Variants in PPM1L observed in about 807,000 individuals in gnomAD.
PPM1L encodes the protein protein phosphatase, Mg2+/Mn2+ dependent 1L, also known as protein phosphatase 1L.
PPM1L carries 13 observed loss-of-function variants against 31.4 expected under a neutral mutation model. That is an observed-to-expected ratio of 0.41 (90% CI 0.27 to 0.66). The LOEUF (loss-of-function observed/expected upper bound fraction) is 0.66. Ranked by LOEUF, PPM1L falls within the 30% of genes least tolerant of loss-of-function variation. The pLI is 0.29. For synonymous variants in PPM1L, 184 were observed against 175.4 expected, an observed-to-expected ratio of 1.05 and a Z score of -0.39; for missense variants, 326 against 453.7, an observed-to-expected ratio of 0.72 and a Z score of 2.56.
chr3:160,871,174 A>G (rs1712288832), intron 1 of PPM1L, among the ~76,000 whole-genome samples: 1 of 152,214 alleles, frequency 6.6e-6, no homozygotes, highest in Non-Finnish European at 1.5e-5. Context: ...GTTGTACTCC[A>G]AACTATTTTC....
intron 3 of PPM1L, among the ~76,000 whole-genome samples, chr3:161,067,415 C>A (rs1194305796): frequency 6.6e-6 from 1 of 152,210 alleles, no homozygotes; most frequent in Admixed American, 6.5e-5. Flanking sequence ...TGGCCTCAGC[C>A]TCTTTTCAGG....
At chr3:160,925,960 A>G (rs1714572126) in intron 1 of PPM1L, among the ~76,000 whole-genome samples, 1 of 152,224 alleles carries the variant, frequency 6.6e-6, no homozygotes, top group Non-Finnish European at 1.5e-5. Context: ...TCTCACAGCC[A>G]CAAACCTCTG....
chr3:160,870,287 G>A (rs1712256488), intron 1 of PPM1L, among the ~76,000 whole-genome samples: 1 of 152,204 alleles, frequency 6.6e-6, no homozygotes, highest in Non-Finnish European at 1.5e-5. Flanking sequence ...AATGTTGGTT[G>A]AAGATCACGA....
chr3:160,941,920 T>C (rs1284129839), intron 1 of PPM1L, among the ~76,000 whole-genome samples: 1 of 152,232 alleles, frequency 6.6e-6, no homozygotes, highest in African/African-American at 2.4e-5. Flanking sequence ...CTTGAATGAA[T>C]TATTAGGCTT....
intron 1 of PPM1L, among the ~76,000 whole-genome samples, chr3:160,882,509 C>A (rs12374096): frequency 0.024 from 3,583 of 152,170 alleles, 77 homozygotes; most frequent in Middle Eastern, 0.034. Flanking sequence ...TATGTAAAAT[C>A]AAAAAGATAT....
intron 1 of PPM1L, among the ~76,000 whole-genome samples, chr3:160,840,468 C>T (rs1385102154): frequency 3.3e-5 from 5 of 152,004 alleles, no homozygotes; most frequent in Non-Finnish European, 7.4e-5. Context: ...AATTTATTAG[C>T]GGGATTGGCT....
At chr3:160,944,886 A>T (rs376171256) in intron 1 of PPM1L, among the ~76,000 whole-genome samples, 2 of 46,896 alleles carry the variant, frequency 4.3e-5, no homozygotes, top group Non-Finnish European at 1.1e-4. Context: ...TAACATATAT[A>T]TTATATATAA....
intron 1 of PPM1L, among the ~76,000 whole-genome samples, chr3:160,945,293 G>A (rs2108092911): frequency 6.6e-6 from 1 of 151,740 alleles, no homozygotes; most frequent in African/African-American, 2.4e-5. Context: ...TACCATTATA[G>A]TGCAAAAGCA....
chr3:160,976,803 G>T (rs1316503666), intron 2 of PPM1L, among the ~76,000 whole-genome samples: 1 of 151,930 alleles, frequency 6.6e-6, no homozygotes, highest in Non-Finnish European at 1.5e-5. Context: ...TATCAGTTTT[G>T]TTGATCCTTT....
At position 160,851,997 on chromosome 3, in the gene PPM1L, A is replaced by G. The variant is rs146457286; in HGVS notation, c.399+95290A>G. Among the ~76,000 whole-genome samples, 773 of 152,314 alleles carry G rather than the reference A, an allele frequency of 5.1e-3. 14 individuals carry two copies. The highest frequency in any genetic ancestry group is 0.017 in the African/African-American group (721 of 41,566). On this transcript the variant is annotated intron_variant, in intron 1 of 3. Transcript: ENST00000498165. ...AGAACTTTGATGAAGAAAAGGTCCT[A>G]TGTTCTGTTTTATACATAATCATTT...
At chr3:161,037,412 C>CTT (rs59883046) in intron 2 of PPM1L, among the ~76,000 whole-genome samples, 37,123 of 99,198 alleles carry the variant, frequency 0.37, 8,492 homozygotes, top group East Asian at 0.62. Context: ...CCTACTTGAG[C>CTT]TTTTTTTTTT....
intron 2 of PPM1L, among the ~76,000 whole-genome samples, chr3:161,043,019 CA>C (rs746897902): frequency 0.029 from 3,062 of 107,402 alleles, 48 homozygotes; most frequent in Middle Eastern, 0.059. Context: ...GATTCTGTCT[CA>C]AAAAAAAAAA....
chr3:160,756,330 T>G lies in PPM1L; in HGVS notation c.22T>G (p.Leu8Val). ...ATAAATGATAGAGGATACAATGACT[T>G]TGCTGTCTCTGCTGGGTCGCATCAT... is the stretch of plus-strand genomic sequence containing the variant. MIEDTMT[L>V]LSLLGRIMRY... The change falls in exon 1 of 4, where the codon TTG (leucine) becomes GTG (valine). Residue 8 changes from leucine (L) to valine (V), a missense_variant. Transcript: ENST00000498165. This position sits in a 1 kb window ranked among gnomAD's most constrained non-coding sequence, Gnocchi z 6.2. 6.2e-7 allele frequency: 1 copy of G among 1,613,800 alleles called. No individual in the cohort carries two copies. The highest frequency in any genetic ancestry group is 2.2e-5 in the East Asian group (1 of 44,848).
chr3:160,906,890 C>T (rs1270644566), intron 1 of PPM1L, among the ~76,000 whole-genome samples: 1 of 152,232 alleles, frequency 6.6e-6, no homozygotes, highest in Non-Finnish European at 1.5e-5. Context: ...CAGCTTACAA[C>T]ATGGCAGCTG....
In PPM1L at chr3:161,072,980, C is replaced by CTGTT. The variant is rs1356818584; in HGVS notation, c.*3824_*3827dup. 3.3e-5 allele frequency: 5 copies of CTGTT among 152,158 alleles called. No homozygotes were observed. Among genetic ancestry groups the CTGTT allele is most frequent in the Admixed American group, 1.3e-4 (2 of 15,266 alleles). The allele number at this position is 152,158 out of a possible 1,614,324, so 9.4% of individuals were successfully genotyped here. ...ATCCAGCTCTGGAGAAATGACATGA[C>CTGTT]TGTTAGATACTATGCCTGTTTAATT... On this transcript the variant is annotated 3_prime_UTR_variant, in exon 4 of 4. Transcript: ENST00000498165.
intron 1 of PPM1L, among the ~76,000 whole-genome samples, chr3:160,922,550 T>G (rs982556437): frequency 6.6e-6 from 1 of 152,232 alleles, no homozygotes; most frequent in African/African-American, 2.4e-5. Flanking sequence ...GTTATACAAA[T>G]GATTCATCTA....
At chr3:160,975,908 A>G (rs1286025535) in intron 2 of PPM1L, among the ~76,000 whole-genome samples, 3 of 147,202 alleles carry the variant, frequency 2.0e-5, no homozygotes, top group Non-Finnish European at 4.5e-5. Flanking sequence ...TTCCAACACT[A>G]TGTTGAATAG....
chr3:160,944,168 T>C (rs1259294659), intron 1 of PPM1L, among the ~76,000 whole-genome samples: 1 of 152,074 alleles, frequency 6.6e-6, no homozygotes, highest in Admixed American at 6.6e-5. Flanking sequence ...CATTATTTTC[T>C]AAGGTTGGAG....
chr3:160,795,353 T>C (rs779872709), intron 1 of PPM1L, among the ~76,000 whole-genome samples: 1 of 152,164 alleles, frequency 6.6e-6, no homozygotes, highest in Non-Finnish European at 1.5e-5. Flanking sequence ...GGCTGTCTTG[T>C]GTACTGTAGG....
Sources: gnomAD v4.1 joint callset for allele counts (sites outside exome capture counted in the v4.1 genomes callset) on GRCh38, gnomAD v4.1.1 for gene constraint, Gnocchi (gnomAD v3.1) non-coding constraint, MANE v1.5 for transcripts, NCBI Gene and HGNC (gene_info 2026-07-23, HGNC 2026-07-21) for gene names.